The following CLTA variants were observed in gnomAD, a reference collection of about 807,000 sequenced individuals.
CLTA encodes clathrin light chain A.
In CLTA, 9 loss-of-function variants were observed where a neutral mutation model predicts 26.9. The observed-to-expected ratio is 0.33, with a 90% CI of 0.20 to 0.58. CLTA has a LOEUF of 0.58. Among genes scored for constraint, CLTA ranks in the 20% least tolerant of loss-of-function variants. The pLI, the probability that CLTA is intolerant of heterozygous loss-of-function variation, is 0.85. For missense variants in CLTA, 278 were observed against 294.2 expected (o/e 0.94, Z 0.40); for synonymous variants, 120 against 115.5 (o/e 1.04, Z -0.25).
intron 1 of CLTA, among the ~76,000 whole-genome samples, chr9:36,191,593 GA>G (rs1826725689): frequency 6.6e-6 from 1 of 152,194 alleles, no homozygotes. Flanking sequence ...TCCGGTCTCT[GA>G]AGCAACCGCA....
rs1826660824 is a variant in CLTA at position 36,191,000 on chromosome 9, G to A, written c.-57G>A. The A allele has an allele frequency of 1.4e-6, 2 of 1,470,798 alleles. No homozygotes were observed. The highest frequency in any genetic ancestry group is 1.8e-6 in the Non-Finnish European group (2 of 1,121,210). The allele number at this position is 1,470,798 out of a possible 1,614,324, so 91.1% of individuals were successfully genotyped here. Reference sequence around the variant, plus strand: ...AGCGGTGGCTGCCGGGCGTGGTGTCGGTGGGTCGGTTGGTTTTTGTCTCAC... The same window carrying A: ...AGCGGTGGCTGCCGGGCGTGGTGTCAGTGGGTCGGTTGGTTTTTGTCTCAC... On this transcript the variant is annotated 5_prime_UTR_variant, in exon 1 of 5. Coordinates refer to ENST00000345519, the MANE Select transcript of CLTA (RefSeq NM_001833.4).
intron 1 of CLTA, 124 bp from the exon 2 acceptor site, chr9:36,197,427 C>G: frequency 1.6e-6 from 1 of 632,928 alleles, no homozygotes; most frequent in East Asian, 2.8e-5. Flanking sequence ...ATAGCACCTA[C>G]CACAGGGATA....
chr9:36,199,121 G>T, intron 3 of CLTA, 25 bp downstream of exon 3: 1 of 1,493,122 alleles, frequency 6.7e-7, no homozygotes, highest in Non-Finnish European at 9.3e-7. Flanking sequence ...CTGTGTTTTG[G>T]TGTCTGTTTT....
chr9:36,192,764 C>A (rs781350650), intron 1 of CLTA, among the ~76,000 whole-genome samples: 1 of 152,206 alleles, frequency 6.6e-6, no homozygotes, highest in East Asian at 1.9e-4. Flanking sequence ...CAAGTCTACC[C>A]ACTCTTAGAA....
intron 3 of CLTA, among the ~76,000 whole-genome samples, chr9:36,200,272 CAT>C (rs747746795): frequency 4.6e-5 from 7 of 152,118 alleles, no homozygotes; most frequent in African/African-American, 7.2e-5. Context: ...GGAAAATAAA[CAT>C]GTGCACCCCC....
intron 4 of CLTA, among the ~76,000 whole-genome samples, 175 bp downstream of exon 4, chr9:36,204,354 C>T (rs1827597640): frequency 6.6e-6 from 1 of 152,090 alleles, no homozygotes; most frequent in African/African-American, 2.4e-5. Context: ...CATAATTCAC[C>T]CTATTGTTTA....
chr9:36,197,640 C>G, intron 2 of CLTA, 52 bp downstream of exon 2: 1 of 1,407,690 alleles, frequency 7.1e-7, no homozygotes, highest in Non-Finnish European at 9.9e-7. Context: ...ATCTTCCTTT[C>G]CTGTGATTTT....
chr9:36,197,751 G>A (rs1372329814), intron 2 of CLTA, among the ~76,000 whole-genome samples, 163 bp downstream of exon 2: 1 of 152,186 alleles, frequency 6.6e-6, no homozygotes. Flanking sequence ...AAGAGAGGTA[G>A]CATTGATAAA....
chr9:36,197,138 T>G (rs1827100669), intron 1 of CLTA, among the ~76,000 whole-genome samples: 1 of 152,182 alleles, frequency 6.6e-6, no homozygotes, highest in Non-Finnish European at 1.5e-5. Context: ...TTGGGCCACT[T>G]TGCTCCAGCC....
intron 1 of CLTA, among the ~76,000 whole-genome samples, chr9:36,192,197 C>G (rs1361624025): frequency 6.6e-6 from 1 of 152,142 alleles, no homozygotes; most frequent in Non-Finnish European, 1.5e-5. Context: ...GAGAATAGGG[C>G]ACTACTGGGG....
At chr9:36,209,538 G>A (rs1163890901) in intron 4 of CLTA, among the ~76,000 whole-genome samples, 2 of 152,048 alleles carry the variant, frequency 1.3e-5, no homozygotes, top group East Asian at 3.9e-4. Flanking sequence ...TTCATATTTG[G>A]GGTTTTGGAG....
At chr9:36,198,404 C>T (rs977536434) in intron 2 of CLTA, among the ~76,000 whole-genome samples, 9 of 150,896 alleles carry the variant, frequency 6.0e-5, no homozygotes, top group African/African-American at 1.7e-4. Context: ...AGGCCGGGCA[C>T]GGTGGCTCAC....
At chr9:36,204,430 G>A (rs190432928) in intron 4 of CLTA, among the ~76,000 whole-genome samples, 251 of 152,302 alleles carry the variant, frequency 1.6e-3, no homozygotes, top group African/African-American at 5.8e-3. Context: ...CTGTAATGGT[G>A]TGATTCAGCC....
chr9:36,211,873 C>A lies in CLTA; in HGVS notation c.*99C>A. The A allele has an allele frequency of 2.9e-6, 3 of 1,041,686 alleles. No individual in the cohort carries two copies. Among genetic ancestry groups the A allele is most frequent in the Non-Finnish European group, 4.2e-6 (3 of 708,786 alleles). 64.5% of individuals were successfully genotyped at this position (1,041,686 alleles called of 1,614,324 possible). ...TTAATTATGTTGAGTTCTTTTGGAC[C>A]AAACCTTTTTGTCTTTAGAGTTGTT... On this transcript the variant is annotated 3_prime_UTR_variant, in exon 5 of 5. Coordinates refer to ENST00000345519, the MANE Select transcript of CLTA (RefSeq NM_001833.4).
In CLTA at chr9:36,191,279, A is replaced by G. The variant is rs763421913; in HGVS notation, c.217+6A>G. On this transcript the variant is annotated splice_donor_region_variant and intron_variant, in intron 1 of 4. Transcript: ENST00000345519. ...CGAGCCGCCGGGGGGTCCGGGTGAG[A>G]GTGCGGGCGCGTTTGGGGCGAGAGG... is the stretch of plus-strand genomic sequence containing the variant. The G allele has an allele frequency of 5.0e-5, 75 of 1,509,208 alleles. No individual in the cohort carries two copies. Among genetic ancestry groups the G allele is most frequent in the Non-Finnish European group, 5.9e-5 (67 of 1,135,944 alleles). The allele number at this position is 1,509,208 out of a possible 1,614,324, so 93.5% of individuals were successfully genotyped here.
chr9:36,209,140 G>T (rs1827894768), intron 4 of CLTA: 1 of 1,156,068 alleles, frequency 8.7e-7, no homozygotes, highest in Admixed American at 2.3e-5. Context: ...GGGTTAGGAA[G>T]GAGCCTTGGG....
chr9:36,210,846 T>C (rs1827999529), intron 4 of CLTA, among the ~76,000 whole-genome samples: 1 of 152,168 alleles, frequency 6.6e-6, no homozygotes, highest in Non-Finnish European at 1.5e-5. Context: ...TAGATGAATA[T>C]AGTGTGTCTT....
intron 3 of CLTA, among the ~76,000 whole-genome samples, chr9:36,202,574 C>T (rs1178130743): frequency 3.9e-5 from 6 of 152,230 alleles, no homozygotes; most frequent in African/African-American, 7.2e-5. Context: ...GTAAGCTTTA[C>T]AGCCAGATCT....
At chr9:36,192,815 G>A (rs1486581997) in intron 1 of CLTA, among the ~76,000 whole-genome samples, 1 of 152,158 alleles carries the variant, frequency 6.6e-6, no homozygotes, top group African/African-American at 2.4e-5. Flanking sequence ...TTTTAGCAGG[G>A]GTGTAGTGCG....
Sources: allele counts gnomAD v4.1 joint callset (sites outside exome capture counted in the v4.1 genomes callset), GRCh38; gene constraint gnomAD v4.1.1; transcripts MANE v1.5; gene names NCBI Gene and HGNC (gene_info 2026-07-23, HGNC 2026-07-21).